CCDC3: variants seen among roughly 807,000 people sequenced by gnomAD.
CCDC3 encodes the protein coiled-coil domain-containing protein 3.
In CCDC3, 24 loss-of-function variants were observed where a neutral mutation model predicts 21.4. The observed-to-expected ratio is 1.12, with a 90% CI of 0.81 to 1.58. The LOEUF is 1.58. CCDC3 is among the 40% of genes most tolerant of loss of function. The pLI is 0.00. For synonymous variants in CCDC3, 186 were observed against 166.0 expected (o/e 1.12, Z -0.93); for missense variants, 425 against 360.9 (o/e 1.18, Z -1.44).
chr10:13,001,591 A>C lies in CCDC3; in HGVS notation c.-21T>G. 1 of 1,176,522 alleles carries C rather than the reference A, an allele frequency of 8.5e-7. No individual in the cohort carries two copies. Among genetic ancestry groups the C allele is most frequent in the Admixed American group, 4.6e-5 (1 of 21,712 alleles). 72.9% of individuals were successfully genotyped at this position (1,176,522 alleles called of 1,614,324 possible). ...AGCATGCCGGGCCCTCCCGGGGCGC[A>C]CGGGGCGGCGGCGGGGAGCCCGGGG... On this transcript the variant is annotated 5_prime_UTR_variant, in exon 1 of 3. Coordinates refer to ENST00000378825, the MANE Select transcript of CCDC3 (RefSeq NM_031455.4).
chr10:13,027,718 A>AT (rs943462727), intron 5 of CCDC3, among the ~76,000 whole-genome samples: 2 of 66,022 alleles, frequency 3.0e-5, no homozygotes, highest in Non-Finnish European at 8.1e-5. Flanking sequence ...TTCAAAAAAA[A>AT]TTAAAAAAAA....
chr10:12,990,263 C>CAA (rs61700228), intron 2 of CCDC3, among the ~76,000 whole-genome samples: 29,499 of 99,460 alleles, frequency 0.3, 3,307 homozygotes, highest in Admixed American at 0.38. Context: ...CCGTCTCAAC[C>CAA]AAAAAAAAAA....
intron 5 of CCDC3, among the ~76,000 whole-genome samples, chr10:13,019,408 CA>C (rs1235624167): frequency 6.6e-6 from 1 of 152,148 alleles, no homozygotes; most frequent in Non-Finnish European, 1.5e-5. Flanking sequence ...TCATTCATAG[CA>C]AAAGCCCACA....
chr10:12,931,513 T>G (rs1471070433), intron 2 of CCDC3, among the ~76,000 whole-genome samples: 1 of 152,204 alleles, frequency 6.6e-6, no homozygotes, highest in Non-Finnish European at 1.5e-5. Context: ...GGAAGCCAGG[T>G]TTCTGCTGCA....
intron 2 of CCDC3, among the ~76,000 whole-genome samples, chr10:12,912,895 T>G (rs7902554): frequency 0.12 from 18,633 of 152,272 alleles, 1,337 homozygotes; most frequent in East Asian, 0.27. Context: ...TCTTGGCATC[T>G]CTGTCGAAAA....
chr10:12,915,527 G>A (rs1223313095), intron 2 of CCDC3, among the ~76,000 whole-genome samples: 1 of 152,172 alleles, frequency 6.6e-6, no homozygotes, highest in Non-Finnish European at 1.5e-5. Flanking sequence ...TGTTCCTTTG[G>A]TGATGTGATT....
At chr10:13,098,791 G>A (rs1323221551) in intron 2 of CCDC3, among the ~76,000 whole-genome samples, 1 of 130,994 alleles carries the variant, frequency 7.6e-6, no homozygotes, top group East Asian at 2.4e-4. Context: ...ATCTCGGCTC[G>A]CTGCAAGCTC....
intron 4 of CCDC3, among the ~76,000 whole-genome samples, chr10:13,059,899 C>G (rs1457207306): frequency 6.6e-6 from 1 of 152,008 alleles, no homozygotes; most frequent in Non-Finnish European, 1.5e-5. Context: ...CCATCCTGGC[C>G]AACATGGTGA....
intron 2 of CCDC3, among the ~76,000 whole-genome samples, chr10:12,916,042 C>G (rs79036742): frequency 0.022 from 3,282 of 152,140 alleles, 133 homozygotes; most frequent in African/African-American, 0.075. Flanking sequence ...AGGCCAAGCA[C>G]TCGATTGTCC....
At chr10:13,084,794 C>T (rs1366842026) in intron 3 of CCDC3, among the ~76,000 whole-genome samples, 1 of 152,024 alleles carries the variant, frequency 6.6e-6, no homozygotes, top group East Asian at 1.9e-4. Flanking sequence ...AGGAGGTGAG[C>T]AAAGCCATGA....
intron 2 of CCDC3, among the ~76,000 whole-genome samples, chr10:12,973,541 C>T (rs769268250): frequency 4.6e-5 from 7 of 152,310 alleles, no homozygotes; most frequent in Admixed American, 2.0e-4. Context: ...GTTCTTCCTA[C>T]GTGGAAGTCT....
intron 2 of CCDC3, among the ~76,000 whole-genome samples, chr10:12,960,020 C>T (rs1049866688): frequency 7.9e-5 from 12 of 152,136 alleles, no homozygotes; most frequent in Admixed American, 2.0e-4. Flanking sequence ...CAGGCGTGGT[C>T]GCACATGCCT....
At chr10:12,997,271 G>A (rs1835776051) in intron 2 of CCDC3, among the ~76,000 whole-genome samples, 2 of 150,962 alleles carry the variant, frequency 1.3e-5, no homozygotes, top group Non-Finnish European at 2.9e-5. Context: ...CTTATTCCAT[G>A]TGATACCCAC....
chr10:12,986,652 T>C (rs1017304830), intron 2 of CCDC3, among the ~76,000 whole-genome samples: 7 of 151,918 alleles, frequency 4.6e-5, no homozygotes, highest in Admixed American at 2.0e-4. Context: ...CGGACGCCTG[T>C]AGTCCCAGCT....
intron 2 of CCDC3, among the ~76,000 whole-genome samples, chr10:12,952,324 G>C (rs1449333748): frequency 6.6e-6 from 1 of 152,200 alleles, no homozygotes; most frequent in Non-Finnish European, 1.5e-5. Flanking sequence ...CTTGATGATA[G>C]AATGAATTAG....
chr10:12,913,583 G>A (rs931861940), intron 2 of CCDC3, among the ~76,000 whole-genome samples: 1 of 152,140 alleles, frequency 6.6e-6, no homozygotes, highest in Non-Finnish European at 1.5e-5. Flanking sequence ...TCTTTCTCTT[G>A]CCTAGCTGCT....
chr10:13,063,734 C>T (rs1209247020), intron 4 of CCDC3, among the ~76,000 whole-genome samples: 1 of 152,126 alleles, frequency 6.6e-6, no homozygotes, highest in African/African-American at 2.4e-5. Flanking sequence ...GGCTTGCATG[C>T]TTTGTAAGAT....
chr10:12,934,710 G>A (rs1000738663), intron 2 of CCDC3, among the ~76,000 whole-genome samples: 2 of 152,094 alleles, frequency 1.3e-5, no homozygotes, highest in Non-Finnish European at 2.9e-5. Context: ...CTTTATATCT[G>A]ATACCTTTTC....
chr10:13,006,836 T>C (rs1835929410), intron 5 of CCDC3, among the ~76,000 whole-genome samples: 1 of 152,202 alleles, frequency 6.6e-6, no homozygotes, highest in African/African-American at 2.4e-5. Flanking sequence ...AGTTCCTCTC[T>C]GTGGGAATTC....
Sources: allele counts gnomAD v4.1 joint callset (sites outside exome capture counted in the v4.1 genomes callset), GRCh38; gene constraint gnomAD v4.1.1; transcripts MANE v1.5; gene names NCBI Gene and HGNC (gene_info 2026-07-23, HGNC 2026-07-21).